The following PTPRD variants were observed in gnomAD, a reference collection of about 807,000 sequenced individuals.
PTPRD encodes protein tyrosine phosphatase receptor type D.
In PTPRD, 34 loss-of-function variants were observed where a neutral mutation model predicts 214.5. The ratio of observed to expected loss-of-function variants is 0.16; its 90% CI spans 0.12 to 0.21. The LOEUF is 0.21. PTPRD is among the 10% of genes least tolerant of loss of function. The pLI is 1.00. For synonymous variants in PTPRD, 1,128 were observed against 845.7 expected (o/e 1.33, Z -5.79); for missense variants, 2,545 against 2,398.7 (o/e 1.06, Z -1.27).
intron 8 of PTPRD, among the ~76,000 whole-genome samples, chr9:9,455,999 T>C (rs1454776226): frequency 6.6e-6 from 1 of 151,958 alleles, no homozygotes; most frequent in South Asian, 2.1e-4. Context: ...CTACTTGCCA[T>C]ATTTATTGAT....
At chr9:8,493,495 A>C (rs1015103865) in intron 26 of PTPRD, among the ~76,000 whole-genome samples, 1 of 152,210 alleles carries the variant, frequency 6.6e-6, no homozygotes, top group African/African-American at 2.4e-5. Context: ...ATGCCAGCAT[A>C]GTCTGTTTTA....
At chr9:10,542,454 T>C (rs1396621434) in intron 2 of PTPRD, among the ~76,000 whole-genome samples, 1 of 152,214 alleles carries the variant, frequency 6.6e-6, no homozygotes, top group Non-Finnish European at 1.5e-5. Flanking sequence ...TGACCTCTAA[T>C]ACCTTACATA....
intron 14 of PTPRD, among the ~76,000 whole-genome samples, chr9:8,563,921 C>T (rs939281380): frequency 3.9e-4 from 60 of 152,228 alleles, no homozygotes; most frequent in African/African-American, 1.4e-3. Context: ...CTGACTTGGC[C>T]TCCCAAAGTG....
At chr9:9,337,663 T>C (rs180862581) in intron 9 of PTPRD, among the ~76,000 whole-genome samples, 131 of 152,324 alleles carry the variant, frequency 8.6e-4, no homozygotes, top group East Asian at 3.9e-3. Flanking sequence ...TGTCCTGTGA[T>C]GACTTTGCCA....
At chr9:10,270,393 A>C (rs1427275933) in intron 3 of PTPRD, among the ~76,000 whole-genome samples, 2 of 152,170 alleles carry the variant, frequency 1.3e-5, no homozygotes, top group Non-Finnish European at 2.9e-5. Context: ...AGAAAATATA[A>C]TTTCAAGTTG....
intron 11 of PTPRD, among the ~76,000 whole-genome samples, chr9:8,989,606 A>G (rs1463449543): frequency 1.3e-5 from 2 of 152,096 alleles, no homozygotes; most frequent in Non-Finnish European, 2.9e-5. Context: ...CATTCATCCA[A>G]TGACAGTCAC....
At chr9:8,328,383 C>T (rs538359597) in intron 44 of PTPRD, among the ~76,000 whole-genome samples, 1 of 152,142 alleles carries the variant, frequency 6.6e-6, no homozygotes, top group Admixed American at 6.5e-5. Context: ...TGTCGAGAGA[C>T]CTGCTGTTAG....
intron 11 of PTPRD, among the ~76,000 whole-genome samples, chr9:8,781,972 CTTTT>C (rs553367928): frequency 6.9e-6 from 1 of 144,824 alleles, no homozygotes; most frequent in Non-Finnish European, 1.5e-5. Context: ...TCCTCAATTT[CTTTT>C]TTTTTTTATT....
intron 34 of PTPRD, among the ~76,000 whole-genome samples, chr9:8,440,592 C>T (rs997889870): frequency 6.6e-6 from 1 of 152,296 alleles, no homozygotes; most frequent in East Asian, 1.9e-4. Flanking sequence ...GGATTACAGG[C>T]GTGGGCCGCT....
chr9:10,109,892 C>A (rs1157181962), intron 3 of PTPRD, among the ~76,000 whole-genome samples: 2 of 151,378 alleles, frequency 1.3e-5, no homozygotes, highest in Admixed American at 6.6e-5. Context: ...AAGACAAGGA[C>A]AAGCAGCCCC....
intron 2 of PTPRD, among the ~76,000 whole-genome samples, chr9:10,413,339 G>A (rs2098456369): frequency 6.6e-6 from 1 of 151,652 alleles, no homozygotes; most frequent in Admixed American, 6.6e-5. Context: ...AGTCAAATCC[G>A]GAATGCAGTG....
intron 9 of PTPRD, among the ~76,000 whole-genome samples, chr9:9,198,775 T>C (rs1030606752): frequency 1.3e-5 from 2 of 152,216 alleles, no homozygotes; most frequent in Admixed American, 1.3e-4. Context: ...CTTACCTTAA[T>C]GGAAAATATC....
At chr9:8,741,016 T>C (rs990819695) in intron 11 of PTPRD, among the ~76,000 whole-genome samples, 8 of 152,246 alleles carry the variant, frequency 5.3e-5, no homozygotes, top group African/African-American at 1.7e-4. Flanking sequence ...TCTGAGCTTT[T>C]TCTATAGTTT....
chr9:8,427,812 T>C (rs989538048), intron 35 of PTPRD, among the ~76,000 whole-genome samples: 1 of 152,136 alleles, frequency 6.6e-6, no homozygotes, highest in African/African-American at 2.4e-5. Context: ...CTGAAATTGA[T>C]GTGCATCTTA....
intron 4 of PTPRD, among the ~76,000 whole-genome samples, chr9:9,991,457 G>A (rs2095918135): frequency 6.6e-6 from 1 of 151,410 alleles, no homozygotes; most frequent in African/African-American, 2.4e-5. Flanking sequence ...CGCCTCCCAG[G>A]TTCAAGCAAT....
At chr9:9,955,399 G>A (rs934431872) in intron 4 of PTPRD, among the ~76,000 whole-genome samples, 10 of 151,986 alleles carry the variant, frequency 6.6e-5, no homozygotes, top group Admixed American at 3.9e-4. Context: ...ATCATTTTAT[G>A]AATCTTAAAA....
At chr9:9,317,394 T>G (rs1372570988) in intron 9 of PTPRD, among the ~76,000 whole-genome samples, 2 of 152,288 alleles carry the variant, frequency 1.3e-5, no homozygotes, top group East Asian at 3.9e-4. Flanking sequence ...CTTATTATTC[T>G]TCCTTAAAAC....
At chr9:9,777,050 C>T (rs2098803815) in intron 5 of PTPRD, among the ~76,000 whole-genome samples, 1 of 152,176 alleles carries the variant, frequency 6.6e-6, no homozygotes. Context: ...TTTATAAACA[C>T]ATAGCTTGTC....
At chr9:10,066,840 T>A (rs2097895343) in intron 3 of PTPRD, among the ~76,000 whole-genome samples, 3 of 151,938 alleles carry the variant, frequency 2.0e-5, no homozygotes, top group Admixed American at 2.0e-4. Context: ...ACTCATATAT[T>A]CTCACAATAT....
Sources: gnomAD v4.1 joint callset for allele counts (sites outside exome capture counted in the v4.1 genomes callset) on GRCh38, gnomAD v4.1.1 for gene constraint, MANE v1.5 for transcripts, NCBI Gene and HGNC (gene_info 2026-07-23, HGNC 2026-07-21) for gene names.